NCAPD3: variants seen among roughly 807,000 people sequenced by gnomAD.
NCAPD3 encodes the protein condensin-2 complex subunit D3.
NCAPD3 carries 105 observed loss-of-function variants against 182.9 expected under a neutral mutation model. The observed-to-expected ratio is 0.57, with a 90% confidence interval of 0.49 to 0.68. The LOEUF (loss-of-function observed/expected upper bound fraction) is 0.68. Among genes scored for constraint, NCAPD3 ranks in the 30% least tolerant of loss-of-function variants. NCAPD3 has a pLI of 0.00. For synonymous variants in NCAPD3, 815 were observed against 679.9 expected, an observed-to-expected ratio of 1.20 and a Z score of -3.09; for missense variants, 1,944 against 1,837.0, an observed-to-expected ratio of 1.06 and a Z score of -1.07.
chr11:134,219,506 G>A (rs957692746), intron 2 of NCAPD3, among the ~76,000 whole-genome samples: 4 of 152,106 alleles, frequency 2.6e-5, no homozygotes, highest in Non-Finnish European at 2.9e-5. Context: ...GTCAACTCAG[G>A]TACTTAAGGC....
chr11:134,150,793 G>A lies in NCAPD3; in HGVS notation c.*2151C>T, dbSNP rs780499622. ...ACAGAGAAAGCACCCAGACGCCACA[G>A]GCTCTGTCGCATTTCAAAACAAACC... On this transcript the variant is annotated 3_prime_UTR_variant, in exon 35 of 35. Coordinates refer to ENST00000534548, the MANE Select transcript of NCAPD3 (RefSeq NM_015261.3). The A allele has an allele frequency of 1.8e-4, 28 of 152,184 alleles. No individual in the cohort carries two copies. The highest frequency in any genetic ancestry group is 3.1e-4 in the Non-Finnish European group (21 of 68,026). 9.4% of individuals were successfully genotyped at this position (152,184 alleles called of 1,614,324 possible). A position where few individuals can be genotyped will look rare whatever the true frequency, so the allele number is the denominator to read the frequency against.
chr11:134,198,999 A>G (rs1944692750), intron 13 of NCAPD3, among the ~76,000 whole-genome samples: 2 of 152,210 alleles, frequency 1.3e-5, no homozygotes. Flanking sequence ...TAACAAACGA[A>G]CATGGCAACA....
In NCAPD3 at chr11:134,206,657, G is replaced by C. The variant is rs758166606; in HGVS notation, c.958C>G (p.Pro320Ala). The change falls in exon 8 of 35, where the codon CCC becomes GCC. Residue 320 changes from proline to alanine, a missense_variant. Pro to Ala is a conservative substitution (Grantham distance 27, BLOSUM62 -1). Transcript: ENST00000534548. ...ATGACTTGGGAGGTAACAGCAAGGG[G>C]GGCACGATGGGATCCTTCACCAACT... Reference protein sequence around the residue: ...LEVGEGSHRAPLAVTSQVINC... With the variant: ...LEVGEGSHRAALAVTSQVINC... 1 of 1,613,608 alleles carries C rather than the reference G, an allele frequency of 6.2e-7. No homozygotes were observed. Among genetic ancestry groups the C allele is most frequent in the South Asian group, 1.1e-5 (1 of 90,978 alleles).
At chr11:134,182,804 T>C (rs1405784998) in intron 19 of NCAPD3, among the ~76,000 whole-genome samples, 1 of 152,240 alleles carries the variant, frequency 6.6e-6, no homozygotes, top group African/African-American at 2.4e-5. Context: ...AAATAAATGA[T>C]ATTCACTTAC....
In NCAPD3 at chr11:134,168,944, T is replaced by C. The variant is rs376021103; in HGVS notation, c.3212A>G (p.Lys1071Arg). The C allele has an allele frequency of 1.2e-6, 2 of 1,613,818 alleles. No individual in the cohort carries two copies. The highest frequency in any genetic ancestry group is 2.7e-5 in the African/African-American group (2 of 74,926). The change falls in exon 25 of 35, where the codon AAG becomes AGG. Residue 1071 changes from lysine to arginine, a missense_variant. This residue lies in a region of NCAPD3 where 1,803 missense variants were observed against 1,674.6 expected (regional missense o/e 1.08). Coordinates refer to ENST00000534548, the MANE Select transcript of NCAPD3 (RefSeq NM_015261.3). ...CTCTGACTGGGGGAACTTGTTGTAC[T>C]TCTCATGCTTCTCATAGTTATTAAA... ...FHFNNYEKHE[K>R]YNKFPQSERE... is the part of the protein sequence containing the mutation.
intron 16 of NCAPD3, among the ~76,000 whole-genome samples, chr11:134,189,530 A>C (rs937025868): frequency 1.3e-5 from 2 of 152,196 alleles, no homozygotes; most frequent in Non-Finnish European, 2.9e-5. Flanking sequence ...GTTATTTAGA[A>C]GTATCTTTTT....
Position 134,159,904 on chromosome 11 carries a change from T to G in NCAPD3, c.3855A>C (p.Ala1285=), listed in dbSNP as rs1441742315. Residue 1285 remains alanine, a synonymous_variant, in exon 29 of 35, where the codon GCA becomes GCC. Transcript: ENST00000534548. ...VAGTAGGAEV[A]PVAQVALCLE... ...GCCCCACACCTACCTGTGCCACAGGTGCCACCTCAGCACCTCCAGCCGTCC... is the reference window on the plus strand; with the variant it reads ...GCCCCACACCTACCTGTGCCACAGGGGCCACCTCAGCACCTCCAGCCGTCC... The G allele has an allele frequency of 1.1e-5, 18 of 1,612,584 alleles. No individual in the cohort carries two copies. Among genetic ancestry groups the G allele is most frequent in the Non-Finnish European group, 1.4e-5 (16 of 1,179,854 alleles).
intron 11 of NCAPD3, 112 bp downstream of exon 11, chr11:134,203,542 A>G: frequency 2.2e-6 from 3 of 1,388,628 alleles, no homozygotes; most frequent in Middle Eastern, 2.6e-4. Flanking sequence ...TGAGAGTAAA[A>G]ATAGATCATG....
intron 22 of NCAPD3, 101 bp downstream of exon 22, chr11:134,178,533 C>T (rs1944220634): frequency 9.0e-6 from 8 of 889,354 alleles, no homozygotes; most frequent in Non-Finnish European, 1.4e-5. Context: ...CAGACACAGA[C>T]AGGCTCCGCA....
intron 3 of NCAPD3, among the ~76,000 whole-genome samples, chr11:134,212,530 C>T (rs1451552701): frequency 1.3e-5 from 2 of 151,786 alleles, no homozygotes; most frequent in African/African-American, 4.8e-5. Context: ...GAGTAGCATG[C>T]GTTACCACAT....
intron 24 of NCAPD3, 65 bp downstream of exon 24, chr11:134,176,242 G>A: frequency 1.4e-6 from 2 of 1,424,814 alleles, no homozygotes; most frequent in South Asian, 2.4e-5. Flanking sequence ...GAAAAAAAAA[G>A]AAATCCAGCA....
chr11:134,188,362 AG>A (rs1324371097), intron 16 of NCAPD3, among the ~76,000 whole-genome samples: 1 of 152,254 alleles, frequency 6.6e-6, no homozygotes, highest in Non-Finnish European at 1.5e-5. Flanking sequence ...ACCAATTAGC[AG>A]GACATGGGCG....
intron 28 of NCAPD3, among the ~76,000 whole-genome samples, chr11:134,160,948 T>G (rs1172065091): frequency 1.5e-5 from 2 of 131,962 alleles, no homozygotes; most frequent in African/African-American, 3.7e-5. Flanking sequence ...TCTGTTTTTG[T>G]TTTTTTTTTT....
rs746386262 is a variant in NCAPD3, at chr11:134,153,122, G to C, written c.4388+18C>G. ...CTGACAGAAACATCCACCTCAAAAGGAACACTGCTAAACTTACGGTTTATC... is the reference window on the plus strand; with the variant it reads ...CTGACAGAAACATCCACCTCAAAAGCAACACTGCTAAACTTACGGTTTATC... On this transcript the variant is annotated intron_variant, in intron 34 of 34. Coordinates refer to ENST00000534548, the MANE Select transcript of NCAPD3 (RefSeq NM_015261.3). 2.5e-6 allele frequency: 4 copies of C among 1,613,480 alleles called. No homozygotes were observed. In the African/African-American group the frequency reaches 4.0e-5, roughly 16 times the overall value.
At chr11:134,223,263 A>G in intron 1 of NCAPD3, 1 of 591,306 alleles carries the variant, frequency 1.7e-6, no homozygotes, top group South Asian at 2.0e-5. Flanking sequence ...TACTCCTGCA[A>G]TTGCTCGAGG....
chr11:134,209,173 G>C lies in NCAPD3; in HGVS notation c.766C>G (p.Leu256Val), dbSNP rs1937732684. The C allele has an allele frequency of 6.2e-7, 1 of 1,613,468 alleles. No individual in the cohort carries two copies. Among genetic ancestry groups the C allele is most frequent in the Non-Finnish European group, 8.5e-7 (1 of 1,179,786 alleles). ...FVSLTNFEPV[L>V]HECHVTQARA... ...GCTTGTGTAACATGACATTCATGAAGAACTGGCTCAAAATTAGTTAATGAA... is the reference window on the plus strand; with the variant it reads ...GCTTGTGTAACATGACATTCATGAACAACTGGCTCAAAATTAGTTAATGAA... Residue 256 changes from leucine (L) to valine (V), a missense_variant, in exon 6 of 35, where the codon CTT becomes GTT. This residue lies in a region of NCAPD3 where 1,803 missense variants were observed against 1,674.6 expected (regional missense o/e 1.08). Coordinates refer to ENST00000534548, the MANE Select transcript of NCAPD3 (RefSeq NM_015261.3).
chr11:134,159,606 C>T (rs541381481), intron 29 of NCAPD3, among the ~76,000 whole-genome samples: 4 of 152,300 alleles, frequency 2.6e-5, no homozygotes, highest in East Asian at 3.9e-4. Flanking sequence ...GGGGAAGATG[C>T]GGACACACTG....
chr11:134,171,242 C>T (rs1012566166), intron 24 of NCAPD3, among the ~76,000 whole-genome samples: 7 of 152,086 alleles, frequency 4.6e-5, no homozygotes, highest in Admixed American at 6.5e-5. Context: ...ACGAGCTGCA[C>T]GAATTATATG....
chr11:134,174,649 C>G (rs115013322), intron 24 of NCAPD3, among the ~76,000 whole-genome samples: 1 of 151,924 alleles, frequency 6.6e-6, no homozygotes, highest in Non-Finnish European at 1.5e-5. Context: ...AGGAGGAGTA[C>G]AGGAAAATGC....
Sources: allele counts gnomAD v4.1 joint callset (sites outside exome capture counted in the v4.1 genomes callset), GRCh38; gene constraint gnomAD v4.1.1; regional missense constraint gnomAD v4.1.1; transcripts MANE v1.5; gene names NCBI Gene and HGNC (gene_info 2026-07-23, HGNC 2026-07-21).